The following ANXA8L1 variants were observed in gnomAD, a reference collection of about 807,000 sequenced individuals.
ANXA8L1 encodes annexin A8-like protein 1.
Under a neutral mutation model 22.5 loss-of-function variants are expected in ANXA8L1, and 10 were observed. That is an observed-to-expected ratio of 0.44 (90% confidence interval 0.27 to 0.75). The LOEUF is 0.75. Among genes scored for constraint, ANXA8L1 ranks in the 30% least tolerant of loss-of-function variants. The probability of loss-of-function intolerance (pLI) is 0.15; values close to 1 mark genes in which losing one functional copy is unlikely to be tolerated. For missense variants in ANXA8L1, 88 were observed against 219.6 expected (o/e 0.40, Z 3.79); for synonymous variants, 36 against 86.0 (o/e 0.42, Z 3.22).
At chr10:46,378,454 C>A (rs199637138) in intron 1 of ANXA8L1, among the ~76,000 whole-genome samples, 1 of 92,044 alleles carries the variant, frequency 1.1e-5, no homozygotes, top group Non-Finnish European at 2.1e-5. Flanking sequence ...GGGAGTCCAG[C>A]TCCCTTTCTG....
At chr10:46,381,619 C>T in intron 3 of ANXA8L1, 1 of 180,540 alleles carries the variant, frequency 5.5e-6, no homozygotes, top group South Asian at 3.0e-5. Context: ...TTTTCCATGC[C>T]CCAGGCATGC....
intron 7 of ANXA8L1, 21 bp downstream of exon 7, chr10:46,384,854 C>G: frequency 6.2e-7 from 1 of 1,612,364 alleles, no homozygotes; most frequent in South Asian, 1.1e-5. Flanking sequence ...GCCCAGCCGG[C>G]CATGTGGCCC....
chr10:46,390,739 C>G (rs1219559571), intron 11 of ANXA8L1, 132 bp from the exon 12 acceptor site: 3 of 877,970 alleles, frequency 3.4e-6, no homozygotes, highest in Non-Finnish European at 5.3e-6. Context: ...ACAACCCCTG[C>G]GGCTAGGAAC....
chr10:46,384,764 C>G lies in ANXA8L1; in HGVS notation c.493-10C>G. On this transcript the variant is annotated splice_polypyrimidine_tract_variant and intron_variant, in intron 6 of 11. Transcript: ENST00000619162. ...GGCCTGCCTTACAGAGCCACCTCCT[C>G]TGTTCCTAGGGCAGCAGGGATGATG... is the stretch of plus-strand genomic sequence containing the variant. The G allele has an allele frequency of 2.5e-6, 4 of 1,613,242 alleles. No homozygotes were observed. In the South Asian group the frequency reaches 4.4e-5, roughly 18 times the overall value.
At chr10:46,383,152 C>T (rs1367271719) in intron 4 of ANXA8L1, among the ~76,000 whole-genome samples, 16 of 93,072 alleles carry the variant, frequency 1.7e-4, no homozygotes, top group Admixed American at 9.7e-4. Flanking sequence ...CTATCTTTGG[C>T]GCAGGGGAGG....
At chr10:46,383,327 T>A in intron 4 of ANXA8L1, 129 bp from the exon 5 acceptor site, 1 of 1,475,472 alleles carries the variant, frequency 6.8e-7, no homozygotes, top group Non-Finnish European at 9.3e-7. Context: ...TCTCATCACA[T>A]CCTCCCACTT....
chr10:46,384,686 G>T, intron 6 of ANXA8L1, 88 bp from the exon 7 acceptor site: 1 of 1,609,832 alleles, frequency 6.2e-7, no homozygotes, highest in Non-Finnish European at 8.5e-7. Flanking sequence ...GCAGAGCCAT[G>T]CCTACCCTCC....
intron 11 of ANXA8L1, among the ~76,000 whole-genome samples, chr10:46,390,567 C>T (rs1251219623): frequency 3.4e-5 from 5 of 145,632 alleles, no homozygotes; most frequent in African/African-American, 1.3e-4. Context: ...ACCCTGGCTC[C>T]CGAATAGAAG....
intron 1 of ANXA8L1, among the ~76,000 whole-genome samples, chr10:46,378,887 T>C: frequency 7.1e-6 from 1 of 141,836 alleles, no homozygotes; most frequent in Non-Finnish European, 1.5e-5. Flanking sequence ...GATGGATGGA[T>C]GGATGGATGG....
At chr10:46,389,770 G>A (rs1840056494) in intron 11 of ANXA8L1, among the ~76,000 whole-genome samples, 1 of 151,496 alleles carries the variant, frequency 6.6e-6, no homozygotes, top group Non-Finnish European at 1.5e-5. Context: ...TAATCCCAGT[G>A]CTTTGGGAGG....
At chr10:46,383,219 G>A (rs1367191386) in intron 4 of ANXA8L1, among the ~76,000 whole-genome samples, 5 of 145,796 alleles carry the variant, frequency 3.4e-5, no homozygotes, top group Admixed American at 6.9e-5. Context: ...GGAGCAGCCT[G>A]TCTGAGACCA....
chr10:46,385,529 C>T (rs1840026945), intron 8 of ANXA8L1, 56 bp downstream of exon 8: 2 of 1,277,186 alleles, frequency 1.6e-6, no homozygotes, highest in Non-Finnish European at 2.2e-6. Context: ...GGCCATGAGC[C>T]TCTCCCTCGT....
At chr10:46,384,944 C>G in intron 7 of ANXA8L1, 111 bp downstream of exon 7, 1 of 1,526,100 alleles carries the variant, frequency 6.6e-7, no homozygotes, top group Non-Finnish European at 9.0e-7. Context: ...CCCAGCTCAG[C>G]TCCCTATAGG....
intron 11 of ANXA8L1, among the ~76,000 whole-genome samples, chr10:46,389,623 A>G (rs1185115049): frequency 1.3e-5 from 2 of 151,190 alleles, no homozygotes; most frequent in Non-Finnish European, 2.9e-5. Context: ...TGAAATTAAG[A>G]GGCAAATGTA....
At chr10:46,384,746 C>T (rs1840014307) in intron 6 of ANXA8L1, 28 bp from the exon 7 acceptor site, 1 of 1,613,090 alleles carries the variant, frequency 6.2e-7, no homozygotes, top group Non-Finnish European at 8.5e-7. Flanking sequence ...GCTGGCCTGC[C>T]TTACAGAGCC....
At position 46,375,831 on chromosome 10, in the gene ANXA8L1, G is replaced by C; in HGVS notation, c.-21G>C. On this transcript the variant is annotated 5_prime_UTR_variant, in exon 1 of 12. Coordinates refer to ENST00000619162, the MANE Select transcript of ANXA8L1 (RefSeq NM_001098845.3). ...TGTGTCTCTTCATCTCCGTGAGAAA[G>C]GTGCCCCCGAAGTGAAAGAGATGGC... The C allele has an allele frequency of 6.2e-7, 1 of 1,608,160 alleles. No homozygotes were observed. Among genetic ancestry groups the C allele is most frequent in the African/African-American group, 1.4e-5 (1 of 73,246 alleles).
chr10:46,377,711 G>T (rs1231347504), intron 1 of ANXA8L1, among the ~76,000 whole-genome samples: 19 of 104,088 alleles, frequency 1.8e-4, no homozygotes, highest in Admixed American at 1.4e-3. Context: ...CTGCAGGCAG[G>T]GCCCATCTGC....
At chr10:46,389,982 T>C (rs1588897804) in intron 11 of ANXA8L1, among the ~76,000 whole-genome samples, 1 of 151,492 alleles carries the variant, frequency 6.6e-6, no homozygotes, top group East Asian at 1.9e-4. Context: ...AAGTAGACAA[T>C]AACCATGAGA....
intron 8 of ANXA8L1, 100 bp downstream of exon 8, chr10:46,385,573 G>C: frequency 2.1e-6 from 1 of 487,666 alleles, no homozygotes; most frequent in Non-Finnish European, 3.7e-6. Context: ...GTTAGGGAGA[G>C]AGCCAGGGAG....
Sources: allele counts gnomAD v4.1 joint callset (sites outside exome capture counted in the v4.1 genomes callset), GRCh38; gene constraint gnomAD v4.1.1; transcripts MANE v1.5; gene names NCBI Gene and HGNC (gene_info 2026-07-23, HGNC 2026-07-21).